Variants in FREM3 observed in about 807,000 individuals in gnomAD.
FREM3 encodes the protein FRAS1-related extracellular matrix protein 3.
Under a neutral mutation model 129.1 loss-of-function variants are expected in FREM3, and 105 were observed. The ratio of observed to expected loss-of-function variants is 0.81; its 90% CI spans 0.69 to 0.96. The LOEUF is 0.96. Ranked by LOEUF, FREM3 falls within the 40% of genes least tolerant of loss-of-function variation. The pLI, the probability that FREM3 is intolerant of heterozygous loss-of-function variation, is 0.00. For synonymous variants in FREM3, 1,014 were observed against 1,044.9 expected (o/e 0.97, Z 0.57); for missense variants, 2,593 against 2,666.3 (o/e 0.97, Z 0.61).
Position 143,585,405 on chromosome 4 carries a change from G to A in FREM3, c.6178+439C>T, listed in dbSNP as rs1369465720. Among the ~76,000 whole-genome samples, 2 of 152,184 alleles carry A rather than the reference G, an allele frequency of 1.3e-5. No individual in the cohort carries two copies. Among genetic ancestry groups the A allele is most frequent in the African/African-American group, 2.4e-5 (1 of 41,450 alleles). On this transcript the variant is annotated intron_variant, in intron 7 of 7. Coordinates refer to ENST00000329798, the MANE Select transcript of FREM3 (RefSeq NM_001168235.2). The surrounding 1 kb of genome is among the most constrained non-coding windows in gnomAD (Gnocchi z 4.2). ...GTCAGGAAATGCAAAGGTGAGCAGG[G>A]CATGAAGACATGCTGTTTGAAGCTA... is the stretch of plus-strand genomic sequence containing the variant.
At position 143,588,239 on chromosome 4, in the gene FREM3, G is replaced by A. The variant is rs75287199; in HGVS notation, c.6029-2246C>T. Among the ~76,000 whole-genome samples, 1,466 of 151,912 alleles carry A rather than the reference G, an allele frequency of 9.7e-3. 27 individuals carry two copies. The highest frequency in any genetic ancestry group is 0.034 in the African/African-American group (1,415 of 41,468). Reference sequence around the variant, plus strand: ...ATTTACCATTCTAACATGCTATCCTGTGTTTTTTTTATTATTATTATACTT... The same window carrying A: ...ATTTACCATTCTAACATGCTATCCTATGTTTTTTTTATTATTATTATACTT... On this transcript the variant is annotated intron_variant, in intron 6 of 7. Coordinates refer to ENST00000329798, the MANE Select transcript of FREM3 (RefSeq NM_001168235.2).
chr4:143,601,437 A>G (rs1166863785), intron 6 of FREM3, among the ~76,000 whole-genome samples: 1 of 152,218 alleles, frequency 6.6e-6, no homozygotes, highest in African/African-American at 2.4e-5. Flanking sequence ...CCCTCTGTGA[A>G]ACTGGACATT....
rs1443291089 is a variant in FREM3, at chr4:143,698,066, C to T, written c.2610G>A (p.Arg870=). Residue 870 remains arginine (R), a synonymous_variant, in exon 1 of 8, where the codon CGG becomes CGA. Coordinates refer to ENST00000329798, the MANE Select transcript of FREM3 (RefSeq NM_001168235.2). The part of the protein sequence containing the change: ...DIDQIVFILV[R]GPQHGHLQYF... ...ACTGCAAGTGTCCATGTTGGGGACC[C>T]CGGACTAATATGAAGACAATTTGGT... 1 of 1,537,306 alleles carries T rather than the reference C, an allele frequency of 6.5e-7. No individual in the cohort carries two copies. The highest frequency in any genetic ancestry group is 2.0e-5 in the Admixed American group (1 of 50,996).
intron 2 of FREM3, among the ~76,000 whole-genome samples, chr4:143,684,721 C>T (rs4835523): frequency 8.6e-5 from 13 of 152,024 alleles, no homozygotes; most frequent in Admixed American, 6.6e-4. Context: ...GAGGGACCAG[C>T]GGAAGGCGAA....
chr4:143,587,370 T>C (rs1204261779), intron 6 of FREM3, among the ~76,000 whole-genome samples: 1 of 152,228 alleles, frequency 6.6e-6, no homozygotes, highest in East Asian at 1.9e-4. Context: ...TGGAATACAC[T>C]TGCAATTTGC....
chr4:143,655,616 T>G (rs1472177780), intron 2 of FREM3, among the ~76,000 whole-genome samples: 1 of 152,202 alleles, frequency 6.6e-6, no homozygotes. Flanking sequence ...CAGCATCTCT[T>G]AACTTCTAGG....
At chr4:143,646,015 G>C (rs1739408210) in intron 2 of FREM3, among the ~76,000 whole-genome samples, 1 of 152,144 alleles carries the variant, frequency 6.6e-6, no homozygotes, top group Non-Finnish European at 1.5e-5. Flanking sequence ...CCCTTTGTAG[G>C]GGGAGATTTG....
At chr4:143,577,896 C>T (rs1430853516) in intron 7 of FREM3, 44 bp from the exon 8 acceptor site, 14 of 1,504,898 alleles carry the variant, frequency 9.3e-6, no homozygotes, top group Non-Finnish European at 1.1e-5. Context: ...TAGGATTTGT[C>T]ATAAGTTTTC....
chr4:143,598,178 A>C (rs867969971), intron 6 of FREM3, among the ~76,000 whole-genome samples: 13 of 152,366 alleles, frequency 8.5e-5, no homozygotes, highest in Middle Eastern at 3.4e-3. Flanking sequence ...AGTCCACTGC[A>C]GTGGCCCTCA....
Position 143,697,731 on chromosome 4 carries a change from A to G in FREM3, c.2945T>C (p.Leu982Ser), listed in dbSNP as rs750968925. Residue 982 changes from leucine (L) to serine (S), a missense_variant, in exon 1 of 8, where the codon TTG (leucine) becomes TCG (serine). Around this residue, in one of 2 missense-constraint regions of FREM3, gnomAD observed 2,276 missense variants for 2,267.2 expected, o/e 1.00. Transcript: ENST00000329798. ...GTCCTTTACAATGAAAGACAGCATC[A>G]AGTCACCTACATCCTTCCTTTTGCC... is the stretch of plus-strand genomic sequence containing the variant. ...IHGKRKDVGDLMLSFIVKDSP... is the reference protein window; with the variant it reads ...IHGKRKDVGDSMLSFIVKDSP... 33 of 1,537,538 alleles carry G rather than the reference A, an allele frequency of 2.1e-5. No individual in the cohort carries two copies. Among genetic ancestry groups the G allele is most frequent in the Non-Finnish European group, 2.8e-5 (32 of 1,147,002 alleles).
intron 2 of FREM3, among the ~76,000 whole-genome samples, chr4:143,674,430 C>G (rs1740066854): frequency 6.6e-6 from 1 of 152,142 alleles, no homozygotes; most frequent in Non-Finnish European, 1.5e-5. Flanking sequence ...CCAGCCACTG[C>G]AAAAACATGC....
intron 2 of FREM3, among the ~76,000 whole-genome samples, chr4:143,659,926 G>A (rs1560861037): frequency 6.6e-6 from 1 of 151,632 alleles, no homozygotes. Context: ...TTTTGATGGG[G>A]TTGTTTGTTT....
chr4:143,593,297 G>A (rs543227731), intron 6 of FREM3, among the ~76,000 whole-genome samples: 1 of 152,340 alleles, frequency 6.6e-6, no homozygotes, highest in South Asian at 2.1e-4. Flanking sequence ...TTCCTTTGGA[G>A]GAGGAGAGGT....
intron 2 of FREM3, among the ~76,000 whole-genome samples, chr4:143,686,073 G>A (rs1256336883): frequency 6.6e-5 from 10 of 152,162 alleles, no homozygotes; most frequent in East Asian, 5.8e-4. Context: ...TGCTGCATTC[G>A]GGAGACTCAG....
chr4:143,633,272 A>G (rs1246909889), intron 2 of FREM3, among the ~76,000 whole-genome samples: 2 of 152,208 alleles, frequency 1.3e-5, no homozygotes, highest in African/African-American at 2.4e-5. Flanking sequence ...TCACTATGCC[A>G]TAATATATTT....
At chr4:143,658,332 G>C (rs1302098850) in intron 2 of FREM3, among the ~76,000 whole-genome samples, 1 of 152,214 alleles carries the variant, frequency 6.6e-6, no homozygotes, top group East Asian at 1.9e-4. Context: ...TGAGGACACA[G>C]TAAGAATTTG....
At chr4:143,590,540 T>A (rs547184750) in intron 6 of FREM3, among the ~76,000 whole-genome samples, 1 of 152,320 alleles carries the variant, frequency 6.6e-6, no homozygotes, top group Non-Finnish European at 1.5e-5. Context: ...TGGATTACGT[T>A]TATTGATTTT....
chr4:143,632,328 AG>A (rs1374754531), intron 2 of FREM3, among the ~76,000 whole-genome samples: 1 of 152,142 alleles, frequency 6.6e-6, no homozygotes, highest in African/African-American at 2.4e-5. Flanking sequence ...CATAACTGGG[AG>A]AATCAGAAGG....
rs549624760 is a variant in FREM3, at chr4:143,608,234, G to A, written c.6028+3045C>T. ...CTTTGGGGTCCATTATTCAGCCTAC[G>A]TTAATGACCAAAGGACTTGAATGTC... On this transcript the variant is annotated intron_variant, in intron 6 of 7. Transcript: ENST00000329798. 2.8e-4 allele frequency among the ~76,000 whole-genome samples: 42 copies of A among 152,242 alleles called. No individual in the cohort carries two copies. In the South Asian group the frequency reaches 2.9e-3, roughly 11 times the overall value.
Sources: allele counts gnomAD v4.1 joint callset (sites outside exome capture counted in the v4.1 genomes callset), GRCh38; gene constraint gnomAD v4.1.1; regional missense constraint gnomAD v4.1.1; non-coding constraint Gnocchi (gnomAD v3.1); transcripts MANE v1.5; gene names NCBI Gene and HGNC (gene_info 2026-07-23, HGNC 2026-07-21).